The following ZNF804B variants were observed in gnomAD, a reference collection of about 807,000 sequenced individuals.
The protein encoded by ZNF804B is zinc finger 804B.
In ZNF804B, 80 loss-of-function variants were observed where a neutral mutation model predicts 101.4. The observed-to-expected ratio is 0.79, with a 90% CI of 0.66 to 0.95. The LOEUF is 0.95. Ranked by LOEUF, ZNF804B falls within the 40% of genes least tolerant of loss-of-function variation. ZNF804B has a pLI of 0.00. For missense variants in ZNF804B, 1,673 were observed against 1,561.9 expected, an observed-to-expected ratio of 1.07 and a Z score of -1.20; for synonymous variants, 622 against 558.8, an observed-to-expected ratio of 1.11 and a Z score of -1.59.
chr7:88,941,989 C>T (rs891752266), intron 1 of ZNF804B, among the ~76,000 whole-genome samples: 2 of 151,870 alleles, frequency 1.3e-5, no homozygotes, highest in Non-Finnish European at 2.9e-5. Flanking sequence ...TAGACAATAT[C>T]TAAGGTTTTT....
intron 1 of ZNF804B, among the ~76,000 whole-genome samples, chr7:89,092,439 G>C (rs1360170969): frequency 1.7e-5 from 2 of 114,974 alleles, no homozygotes; most frequent in African/African-American, 6.6e-5. Context: ...TTGAGATGGA[G>C]TCTCACTCTC....
At chr7:88,892,445 C>T (rs573805841) in intron 1 of ZNF804B, among the ~76,000 whole-genome samples, 1 of 152,190 alleles carries the variant, frequency 6.6e-6, no homozygotes, top group Admixed American at 6.5e-5. Context: ...TTCCTTCTCT[C>T]CTATGTCTCT....
At chr7:88,836,356 G>T (rs1327916393) in intron 1 of ZNF804B, among the ~76,000 whole-genome samples, 2 of 151,842 alleles carry the variant, frequency 1.3e-5, no homozygotes, top group African/African-American at 4.8e-5. Flanking sequence ...CATTTCAAAA[G>T]TAGAGATCAC....
At chr7:88,982,041 G>C (rs565307121) in intron 1 of ZNF804B, among the ~76,000 whole-genome samples, 1 of 151,884 alleles carries the variant, frequency 6.6e-6, no homozygotes, top group Non-Finnish European at 1.5e-5. Context: ...ATGATCACTG[G>C]AGGGTTCTAT....
rs146040847 is a variant in ZNF804B, at chr7:89,336,216, G to C, written c.3234G>C (p.Pro1078=). 1 of 1,613,600 alleles carries C rather than the reference G, an allele frequency of 6.2e-7. No homozygotes were observed. The highest frequency in any genetic ancestry group is 1.3e-5 in the African/African-American group (1 of 74,846). ...PVPNEFPGAF[P]SNKYTGVTDS... is the part of the protein sequence containing the mutation. ...CAAATGAATTCCCTGGTGCTTTTCC[G>C]TCTAATAAATATACTGGTGTGACTG... Residue 1078 remains proline (P), a synonymous_variant, in exon 4 of 4, where the codon CCG becomes CCC. Coordinates refer to ENST00000333190, the MANE Select transcript of ZNF804B (RefSeq NM_181646.5).
intron 2 of ZNF804B, among the ~76,000 whole-genome samples, chr7:89,228,345 A>T (rs1789129316): frequency 6.6e-6 from 1 of 151,992 alleles, no homozygotes; most frequent in South Asian, 2.1e-4. Flanking sequence ...GCCTGCTTTT[A>T]TTCTCTTATC....
chr7:89,213,028 A>C (rs1788828343), intron 1 of ZNF804B, among the ~76,000 whole-genome samples: 1 of 152,158 alleles, frequency 6.6e-6, no homozygotes, highest in African/African-American at 2.4e-5. Flanking sequence ...CCCTTAATCT[A>C]TTCTGAGATA....
intron 1 of ZNF804B, among the ~76,000 whole-genome samples, chr7:88,861,452 A>G (rs1791642836): frequency 6.6e-6 from 1 of 152,216 alleles, no homozygotes; most frequent in Non-Finnish European, 1.5e-5. Context: ...CTGGAATAGT[A>G]CAAATACCAG....
At chr7:88,871,859 T>C (rs980065506) in intron 1 of ZNF804B, among the ~76,000 whole-genome samples, 1 of 151,996 alleles carries the variant, frequency 6.6e-6, no homozygotes, top group Admixed American at 6.6e-5. Flanking sequence ...TCCCAGCTAC[T>C]ACGGAGGCTG....
intron 1 of ZNF804B, among the ~76,000 whole-genome samples, chr7:88,901,857 A>G (rs1410515885): frequency 2.0e-5 from 3 of 151,862 alleles, no homozygotes; most frequent in African/African-American, 4.8e-5. Flanking sequence ...TTTTCTTTTG[A>G]TAAGCTTTGT....
chr7:89,131,439 T>G (rs1790545670), intron 1 of ZNF804B, among the ~76,000 whole-genome samples: 1 of 151,844 alleles, frequency 6.6e-6, no homozygotes, highest in South Asian at 2.1e-4. Context: ...TAAAACTAAA[T>G]AAGAAGAAAA....
intron 1 of ZNF804B, among the ~76,000 whole-genome samples, chr7:88,940,394 C>A (rs1793038807): frequency 6.6e-6 from 1 of 151,840 alleles, no homozygotes; most frequent in African/African-American, 2.4e-5. Flanking sequence ...AAGTATTCAA[C>A]TAAAGAAATT....
chr7:89,266,244 T>A (rs942139854), intron 2 of ZNF804B, among the ~76,000 whole-genome samples: 1 of 152,136 alleles, frequency 6.6e-6, no homozygotes, highest in African/African-American at 2.4e-5. Flanking sequence ...ATTACTAGTC[T>A]AGCACCAAGG....
At chr7:88,933,208 C>A (rs1033382403) in intron 1 of ZNF804B, among the ~76,000 whole-genome samples, 6 of 151,780 alleles carry the variant, frequency 4.0e-5, no homozygotes, top group Non-Finnish European at 8.8e-5. Flanking sequence ...ATGATTATCT[C>A]AATAGATGCA....
chr7:88,922,633 A>G (rs1792735699), intron 1 of ZNF804B, among the ~76,000 whole-genome samples: 2 of 151,680 alleles, frequency 1.3e-5, no homozygotes, highest in Non-Finnish European at 2.9e-5. Context: ...ATATACACAC[A>G]CACTTTTTCT....
chr7:88,892,599 G>C (rs1282958001), intron 1 of ZNF804B, among the ~76,000 whole-genome samples: 1 of 151,914 alleles, frequency 6.6e-6, no homozygotes, highest in Non-Finnish European at 1.5e-5. Context: ...ATGTATCCTT[G>C]TTGTTCTTTG....
intron 2 of ZNF804B, among the ~76,000 whole-genome samples, chr7:89,269,334 A>G (rs1434921009): frequency 6.6e-6 from 1 of 151,770 alleles, no homozygotes; most frequent in Non-Finnish European, 1.5e-5. Flanking sequence ...TGTCCTTGTG[A>G]TAGTTTGCTG....
chr7:88,991,926 A>T (rs902170256), intron 1 of ZNF804B, among the ~76,000 whole-genome samples: 1 of 152,154 alleles, frequency 6.6e-6, no homozygotes, highest in African/African-American at 2.4e-5. Context: ...TTCTAAAATG[A>T]GGCAAAAAAT....
At chr7:89,267,120 T>A (rs1367683505) in intron 2 of ZNF804B, among the ~76,000 whole-genome samples, 2 of 152,150 alleles carry the variant, frequency 1.3e-5, no homozygotes, top group African/African-American at 4.8e-5. Flanking sequence ...TTTATGTCCT[T>A]ATATTCCCTC....
Sources: allele counts gnomAD v4.1 joint callset (sites outside exome capture counted in the v4.1 genomes callset), GRCh38; gene constraint gnomAD v4.1.1; transcripts MANE v1.5; gene names NCBI Gene and HGNC (gene_info 2026-07-23, HGNC 2026-07-21).